Variants in SESTD1 observed in about 807,000 individuals in gnomAD.
SESTD1 encodes SEC14 and spectrin domain containing 1.
In SESTD1, 43 loss-of-function variants were observed where a neutral mutation model predicts 101.7. The ratio of observed to expected loss-of-function variants is 0.42; its 90% CI spans 0.33 to 0.55. SESTD1 has a LOEUF of 0.55. Among genes scored for constraint, SESTD1 ranks in the 20% least tolerant of loss-of-function variants. The pLI, the probability that SESTD1 is intolerant of heterozygous loss-of-function variation, is 0.07. For synonymous variants in SESTD1, 283 were observed against 286.8 expected (o/e 0.99, Z 0.13); for missense variants, 647 against 815.1 (o/e 0.79, Z 2.51).
At chr2:179,150,162 T>A (rs976804284) in intron 6 of SESTD1, among the ~76,000 whole-genome samples, 1 of 152,170 alleles carries the variant, frequency 6.6e-6, no homozygotes, top group South Asian at 2.1e-4. Context: ...AAGTTAAAGG[T>A]TGCAGTGTGT....
chr2:179,188,800 T>C (rs1405732238), intron 2 of SESTD1, among the ~76,000 whole-genome samples: 5 of 151,982 alleles, frequency 3.3e-5, no homozygotes, highest in Admixed American at 3.3e-4. Flanking sequence ...TACAAAAGAC[T>C]TCTGTGCACA....
intron 5 of SESTD1, among the ~76,000 whole-genome samples, chr2:179,153,087 T>C (rs1222230759): frequency 4.6e-5 from 7 of 152,196 alleles, no homozygotes; most frequent in Non-Finnish European, 1.5e-5. Context: ...TTGATAGCAA[T>C]GGTTTAAAAG....
At chr2:179,153,517 C>T (rs1237185125) in intron 5 of SESTD1, among the ~76,000 whole-genome samples, 3 of 152,134 alleles carry the variant, frequency 2.0e-5, no homozygotes, top group Non-Finnish European at 2.9e-5. Context: ...CTCTCACACA[C>T]ACTTATATGT....
chr2:179,221,155 G>A (rs916338241), intron 1 of SESTD1, among the ~76,000 whole-genome samples: 1 of 152,048 alleles, frequency 6.6e-6, no homozygotes, highest in Non-Finnish European at 1.5e-5. Context: ...ACTACATTGG[G>A]GAGGGGAGGA....
At chr2:179,136,728 ATAATC>A (rs2045154203) in intron 9 of SESTD1, among the ~76,000 whole-genome samples, 1 of 152,156 alleles carries the variant, frequency 6.6e-6, no homozygotes, top group Non-Finnish European at 1.5e-5. Context: ...TGATTTTAGA[ATAATC>A]TAGAAACAAA....
chr2:179,149,055 G>T, intron 7 of SESTD1, among the ~76,000 whole-genome samples: 2 of 69,972 alleles, frequency 2.9e-5, no homozygotes, highest in African/African-American at 1.3e-4. Flanking sequence ...GCAAGACTCC[G>T]TCTCAAAAAA....
chr2:179,171,043 A>G lies in SESTD1; in HGVS notation c.369+1077T>C, dbSNP rs368167816. On this transcript the variant is annotated intron_variant, in intron 5 of 17. Coordinates refer to ENST00000428443, the MANE Select transcript of SESTD1 (RefSeq NM_178123.5). ...CCTGAGAAGGGGCTTGTGAGTACAG[A>G]AACAGTTTTCCTACCACCAGTCAGG... Among the ~76,000 whole-genome samples the G allele has an allele frequency of 7.9e-5, 12 of 152,312 alleles. No homozygotes were observed. The South Asian group carries it at 2.5e-3, about 32-fold the overall frequency.
At chr2:179,198,443 C>A (rs1023698708) in intron 1 of SESTD1, among the ~76,000 whole-genome samples, 1 of 152,168 alleles carries the variant, frequency 6.6e-6, no homozygotes, top group Non-Finnish European at 1.5e-5. Flanking sequence ...CTCAGCTCTG[C>A]ATCAAGTGGA....
At chr2:179,148,920 C>T (rs1031499810) in intron 7 of SESTD1, among the ~76,000 whole-genome samples, 1 of 151,550 alleles carries the variant, frequency 6.6e-6, no homozygotes, top group Admixed American at 6.6e-5. Context: ...ATTAGCCGGG[C>T]GAGGTGGCGG....
intron 6 of SESTD1, among the ~76,000 whole-genome samples, chr2:179,150,437 A>C (rs918662395): frequency 1.8e-4 from 27 of 152,236 alleles, no homozygotes; most frequent in African/African-American, 6.5e-4. Flanking sequence ...GAAAATGCTT[A>C]ATCTGTCAAA....
chr2:179,257,440 A>G (rs943321049), intron 1 of SESTD1, among the ~76,000 whole-genome samples: 2 of 152,252 alleles, frequency 1.3e-5, no homozygotes, highest in Admixed American at 1.3e-4. Context: ...TCTATCACAC[A>G]TTTTGTAAAC....
At chr2:179,159,760 T>C (rs1268366902) in intron 5 of SESTD1, among the ~76,000 whole-genome samples, 1 of 152,212 alleles carries the variant, frequency 6.6e-6, no homozygotes, top group Admixed American at 6.5e-5. Flanking sequence ...TATATGAAAG[T>C]TTAAATATAA....
chr2:179,186,303 C>T (rs1049464759), intron 2 of SESTD1, among the ~76,000 whole-genome samples: 2 of 152,030 alleles, frequency 1.3e-5, no homozygotes, highest in Non-Finnish European at 2.9e-5. Flanking sequence ...TCACTACACC[C>T]AATGTACCAT....
At chr2:179,111,429 A>G (rs1016044744) in intron 17 of SESTD1, among the ~76,000 whole-genome samples, 1 of 152,164 alleles carries the variant, frequency 6.6e-6, no homozygotes, top group African/African-American at 2.4e-5. Flanking sequence ...CCACACCCCC[A>G]TAACCTGAGG....
In SESTD1 at chr2:179,107,550, A is replaced by G. The variant is rs949538967; in HGVS notation, c.*2349T>C. On this transcript the variant is annotated 3_prime_UTR_variant, in exon 18 of 18. Coordinates refer to ENST00000428443, the MANE Select transcript of SESTD1 (RefSeq NM_178123.5). ...CAGAAGAAACAGATATTGAGTATTG[A>G]TATTTAGTTATTGAGTATAACTAAA... 6.6e-6 allele frequency: 1 copy of G among 152,166 alleles called. No individual in the cohort carries two copies. Among genetic ancestry groups the G allele is most frequent in the African/African-American group, 2.4e-5 (1 of 41,450 alleles). 9.4% of individuals were successfully genotyped at this position (152,166 alleles called of 1,614,324 possible). A position where few individuals can be genotyped will look rare whatever the true frequency, so the allele number is the denominator to read the frequency against.
At chr2:179,262,898 A>G (rs887814456) in intron 1 of SESTD1, among the ~76,000 whole-genome samples, 2 of 152,198 alleles carry the variant, frequency 1.3e-5, no homozygotes, top group African/African-American at 4.8e-5. Context: ...AACTTTCTAC[A>G]TTCTGCATTC....
rs182345207 is a variant in SESTD1 at position 179,168,502 on chromosome 2, C to T, written c.369+3618G>A. Among the ~76,000 whole-genome samples, 91 of 151,450 alleles carry T rather than the reference C, an allele frequency of 6.0e-4. 1 individual carries two copies. The highest frequency in any genetic ancestry group is 1.1e-3 in the Non-Finnish European group (77 of 67,936). ...AACCCCTGCATTGTTCACAGGTCAA[C>T]GGCATGATTAAAGTGCTGAAAGACA... On this transcript the variant is annotated intron_variant, in intron 5 of 17. Transcript: ENST00000428443.
rs1280334330 is a variant in SESTD1, at chr2:179,201,726, G to T, written c.-25-9860C>A. Among the ~76,000 whole-genome samples the T allele has an allele frequency of 2.6e-5, 3 of 116,350 alleles. 1 individual carries two copies. Among genetic ancestry groups the T allele is most frequent in the Non-Finnish European group, 5.2e-5 (3 of 57,660 alleles). The allele number at this position is 116,350 out of a possible 152,430, so 76.3% of individuals were successfully genotyped here. Reference sequence around the variant, plus strand: ...CTCATAGGTGGGAACTGAACAATGAGAACACATGGACACAGGAAGGGGAAC... The same window carrying T: ...CTCATAGGTGGGAACTGAACAATGATAACACATGGACACAGGAAGGGGAAC... On this transcript the variant is annotated intron_variant, in intron 1 of 17. Transcript: ENST00000428443.
intron 4 of SESTD1, among the ~76,000 whole-genome samples, chr2:179,175,796 G>A (rs954846055): frequency 6.6e-6 from 1 of 152,116 alleles, no homozygotes; most frequent in East Asian, 1.9e-4. Context: ...CATGCCAGGG[G>A]ATCACATAAA....
Sources: allele counts gnomAD v4.1 joint callset (sites outside exome capture counted in the v4.1 genomes callset), GRCh38; gene constraint gnomAD v4.1.1; transcripts MANE v1.5; gene names NCBI Gene and HGNC (gene_info 2026-07-23, HGNC 2026-07-21).